The following PHEX variants were observed in gnomAD, a reference collection of about 807,000 sequenced individuals.
PHEX encodes the protein phosphate-regulating neutral endopeptidase PHEX.
PHEX carries 16 observed loss-of-function variants against 68.0 expected under a neutral mutation model. That is an observed-to-expected ratio of 0.24 (90% confidence interval 0.16 to 0.36). The LOEUF is 0.36. Among genes scored for constraint, PHEX ranks in the 10% least tolerant of loss-of-function variants. The pLI is 1.00. For missense variants in PHEX, 480 were observed against 575.5 expected, an observed-to-expected ratio of 0.83 and a Z score of 1.70; for synonymous variants, 208 against 205.1, an observed-to-expected ratio of 1.01 and a Z score of -0.12.
chrX:22,106,403 C>A (rs1930689654), intron 9 of PHEX, among the ~76,000 whole-genome samples: 1 of 111,572 alleles, frequency 9.0e-6, no homozygotes, highest in Non-Finnish European at 1.9e-5. Flanking sequence ...TCTTTTTGTG[C>A]CCACAGATTT....
At chrX:22,224,148 G>A (rs1271358574) in intron 18 of PHEX, among the ~76,000 whole-genome samples, 2 of 111,292 alleles carry the variant, frequency 1.8e-5, no homozygotes, top group South Asian at 3.9e-4. Flanking sequence ...ACGCCTGGCT[G>A]ATTTTTGTAT....
Position 22,047,069 on chromosome X carries a change from A to G in PHEX, c.207A>G (p.Lys69=). 8.3e-7 allele frequency: 1 copy of G among 1,209,539 alleles called. No homozygotes were observed. The highest frequency in any genetic ancestry group is 1.1e-6 in the Non-Finnish European group (1 of 893,354). Residue 69 remains lysine (K), a synonymous_variant, in exon 3 of 22, where the codon AAA becomes AAG. Transcript: ENST00000379374. ...AAATAGCTGCTGCCATCTTAAGTAA[A>G]GTAAATCTGTCTGTGGATCCTTGTG... ...CIEAAAAILS[K]VNLSVDPCDN... is the part of the protein sequence containing the mutation.
intron 17 of PHEX, among the ~76,000 whole-genome samples, chrX:22,220,759 A>G (rs1233321824): frequency 8.9e-6 from 1 of 112,226 alleles, no homozygotes; most frequent in East Asian, 2.8e-4. Context: ...TGTTAGTAGT[A>G]TGTAGCCTTG....
intron 10 of PHEX, among the ~76,000 whole-genome samples, chrX:22,114,183 C>G (rs1313704520): frequency 9.1e-6 from 1 of 110,103 alleles, no homozygotes; most frequent in Admixed American, 9.8e-5. Flanking sequence ...CTCCTGACCT[C>G]AGGTGATCTG....
At chrX:22,125,308 A>T (rs1379037889) in intron 11 of PHEX, among the ~76,000 whole-genome samples, 1 of 111,751 alleles carries the variant, frequency 8.9e-6, no homozygotes, top group African/African-American at 3.2e-5. Flanking sequence ...GTTCTAGAGC[A>T]ATGAGAAGAC....
intron 9 of PHEX, among the ~76,000 whole-genome samples, chrX:22,106,823 A>G (rs1308622588): frequency 9.2e-6 from 1 of 108,845 alleles, no homozygotes; most frequent in African/African-American, 3.4e-5. Flanking sequence ...ATTCATCACT[A>G]TCTGGCATAG....
Position 22,212,832 on chromosome X carries a change from T to A in PHEX, c.1646-72T>A, listed in dbSNP as rs995111456. On this transcript the variant is annotated intron_variant, in intron 15 of 21. Coordinates refer to ENST00000379374, the MANE Select transcript of PHEX (RefSeq NM_000444.6). Reference sequence around the variant, plus strand: ...CAGATGGGTCTTTGAAACCTCAGTGTTATAGCTAGAACCAGGTACTCATCA... The same window carrying A: ...CAGATGGGTCTTTGAAACCTCAGTGATATAGCTAGAACCAGGTACTCATCA... 3 of 833,394 alleles carry A rather than the reference T, an allele frequency of 3.6e-6. No homozygotes were observed. In the African/African-American group the frequency reaches 6.0e-5, roughly 17 times the overall value. The allele number at this position is 833,394 out of a possible 1,213,427, so 68.7% of individuals were successfully genotyped here. A position where few individuals can be genotyped will look rare whatever the true frequency, so the allele number is the denominator to read the frequency against.
intron 12 of PHEX, among the ~76,000 whole-genome samples, chrX:22,150,161 T>A (rs1170921880): frequency 2.7e-5 from 3 of 111,979 alleles, no homozygotes; most frequent in Non-Finnish European, 5.6e-5. Context: ...ATAAAAACTC[T>A]TAGGTGATTC....
intron 12 of PHEX, among the ~76,000 whole-genome samples, chrX:22,154,353 G>A (rs761901387): frequency 3.2e-4 from 36 of 110,819 alleles, no homozygotes; most frequent in Non-Finnish European, 4.7e-4. Context: ...TCAGAAGTGG[G>A]TCCAGAAGCC....
intron 9 of PHEX, among the ~76,000 whole-genome samples, chrX:22,103,332 G>T (rs975438432): frequency 7.3e-5 from 8 of 110,303 alleles, no homozygotes; most frequent in African/African-American, 2.6e-4. Context: ...CAATAATTTT[G>T]GGGGAACAGG....
intron 3 of PHEX, among the ~76,000 whole-genome samples, chrX:22,057,590 C>A (rs868284180): frequency 1.8e-5 from 2 of 108,480 alleles, no homozygotes; most frequent in African/African-American, 3.4e-5. Flanking sequence ...GACTCGATCT[C>A]AAAGAAAAAA....
At chrX:22,197,740 T>G (rs1934412308) in intron 15 of PHEX, among the ~76,000 whole-genome samples, 1 of 111,339 alleles carries the variant, frequency 9.0e-6, no homozygotes, top group African/African-American at 3.3e-5. Context: ...AGGTAACTAA[T>G]ATAGCTATTA....
At chrX:22,223,193 T>G (rs757676473) in intron 18 of PHEX, among the ~76,000 whole-genome samples, 2 of 112,326 alleles carry the variant, frequency 1.8e-5, no homozygotes, top group South Asian at 7.4e-4. Context: ...CATGCTTTAT[T>G]ATTTTTCTGG....
chrX:22,213,493 C>T (rs1305107934), intron 16 of PHEX, among the ~76,000 whole-genome samples: 9 of 111,703 alleles, frequency 8.1e-5, no homozygotes, highest in African/African-American at 1.6e-4. Flanking sequence ...GTAAGATAAT[C>T]GAATTTATCT....
In PHEX at chrX:22,235,739, T is replaced by A. The variant is rs1935951840; in HGVS notation, c.2070+8128T>A. ...ATCCCCATTACCCTATCTTATCATA[T>A]ATAGTTAGTTATCATATATAGGCAT... On this transcript the variant is annotated intron_variant, in intron 20 of 21. Transcript: ENST00000379374. 2.7e-5 allele frequency among the ~76,000 whole-genome samples: 3 copies of A among 110,574 alleles called. No homozygotes were observed. The Admixed American group carries it at 2.9e-4, about 11-fold the overall frequency.
chrX:22,187,725 G>A (rs2147136431), intron 14 of PHEX, among the ~76,000 whole-genome samples: 1 of 111,774 alleles, frequency 8.9e-6, no homozygotes, highest in African/African-American at 3.2e-5. Flanking sequence ...CAACCAGCAA[G>A]TTTATGTTAA....
chrX:22,101,301 C>T, intron 9 of PHEX, among the ~76,000 whole-genome samples: 1 of 112,710 alleles, frequency 8.9e-6, no homozygotes, highest in East Asian at 2.8e-4. Flanking sequence ...ATACAACGTA[C>T]ACATCATGAG....
intron 15 of PHEX, among the ~76,000 whole-genome samples, chrX:22,193,599 G>T (rs1038108459): frequency 8.9e-6 from 1 of 111,756 alleles, no homozygotes; most frequent in Non-Finnish European, 1.9e-5. Flanking sequence ...GGATTTGTTC[G>T]TGTAGCATGT....
At position 22,084,924 on chromosome X, in the gene PHEX, CA is replaced by C. The variant is rs750534711; in HGVS notation, c.664-5496del. Among the ~76,000 whole-genome samples, 27 of 107,106 alleles carry C rather than the reference CA, an allele frequency of 2.5e-4. No individual in the cohort carries two copies. In the East Asian group the frequency reaches 5.2e-3, roughly 21 times the overall value. 93.0% of individuals were successfully genotyped at this position (107,106 alleles called of 115,157 possible). ...GTCTAGCTAAAGATTTGTTGATTTT[CA>C]AAAAAAAAGCCAACTTTTTTCATTA... On this transcript the variant is annotated intron_variant, in intron 5 of 21. Transcript: ENST00000379374.
Sources: allele counts gnomAD v4.1 joint callset (sites outside exome capture counted in the v4.1 genomes callset), GRCh38; gene constraint gnomAD v4.1.1; transcripts MANE v1.5; gene names NCBI Gene and HGNC (gene_info 2026-07-23, HGNC 2026-07-21).